AKAP10: variants seen among roughly 807,000 people sequenced by gnomAD.
AKAP10 encodes the protein A-kinase anchor protein 10, mitochondrial.
A neutral mutation model predicts 80.8 loss-of-function variants in AKAP10; 24 were observed. The observed-to-expected ratio is 0.30, with a 90% CI of 0.22 to 0.42. The LOEUF is 0.42. Among genes scored for constraint, AKAP10 ranks in the 10% least tolerant of loss-of-function variants. The pLI, the probability that AKAP10 is intolerant of heterozygous loss-of-function variation, is 1.00. For synonymous variants in AKAP10, 291 were observed against 277.7 expected, an observed-to-expected ratio of 1.05 and a Z score of -0.48; for missense variants, 661 against 794.9, an observed-to-expected ratio of 0.83 and a Z score of 2.03.
In AKAP10 at chr17:19,905,865, T is replaced by A. The variant is rs1030628558; in HGVS notation, c.*362A>T. 12 of 200,068 alleles carry A rather than the reference T, an allele frequency of 6.0e-5. No homozygotes were observed. The highest frequency in any genetic ancestry group is 2.8e-4 in the African/African-American group (12 of 43,532). The allele number at this position is 200,068 out of a possible 1,614,324, so 12.4% of individuals were successfully genotyped here. On this transcript the variant is annotated 3_prime_UTR_variant, in exon 15 of 15. Transcript: ENST00000225737. ...GATGAGTTACCACTACGAGTGTGCA[T>A]CAAGTATCAGTTCTATGCTTATCTG...
chr17:19,914,367 T>C (rs80289275), intron 12 of AKAP10, among the ~76,000 whole-genome samples: 14,431 of 151,930 alleles, frequency 0.095, 784 homozygotes, highest in Non-Finnish European at 0.12. Flanking sequence ...AATAAGAAAA[T>C]AGGCCAGGAG....
At chr17:19,975,779 C>A (rs1216753065) in intron 1 of AKAP10, among the ~76,000 whole-genome samples, 3 of 152,130 alleles carry the variant, frequency 2.0e-5, no homozygotes, top group African/African-American at 7.2e-5. Flanking sequence ...TCTGGACACT[C>A]AAAAGGTATT....
At chr17:19,946,589 T>C (rs938893246) in intron 5 of AKAP10, among the ~76,000 whole-genome samples, 10 of 151,334 alleles carry the variant, frequency 6.6e-5, no homozygotes, top group African/African-American at 2.4e-4. Context: ...TGTGTACTAT[T>C]TATTGATCTT....
chr17:19,963,090 C>A, intron 2 of AKAP10, 68 bp from the exon 3 acceptor site: 1 of 1,320,632 alleles, frequency 7.6e-7, no homozygotes, highest in East Asian at 2.5e-5. Context: ...CATAAAGGGG[C>A]TTTCAGAGAA....
chr17:19,907,839 T>C (rs1002827949), intron 14 of AKAP10, among the ~76,000 whole-genome samples: 3 of 152,158 alleles, frequency 2.0e-5, no homozygotes, highest in African/African-American at 4.8e-5. Flanking sequence ...CATGTCATGC[T>C]TGGTAATTTG....
intron 8 of AKAP10, among the ~76,000 whole-genome samples, chr17:19,938,386 G>A (rs1401348456): frequency 4.0e-5 from 6 of 151,736 alleles, no homozygotes; most frequent in Admixed American, 3.9e-4. Flanking sequence ...ACAGGTGTGT[G>A]CCATCATGCC....
intron 12 of AKAP10, among the ~76,000 whole-genome samples, chr17:19,912,827 A>G (rs1451903705): frequency 6.6e-6 from 1 of 152,176 alleles, no homozygotes; most frequent in Non-Finnish European, 1.5e-5. Flanking sequence ...CTCAATAAGG[A>G]AGGAGAGAAA....
At chr17:19,943,249 G>T (rs1617693) in intron 5 of AKAP10, among the ~76,000 whole-genome samples, 150,331 of 152,254 alleles carry the variant, frequency 0.99, 74,272 homozygotes, top group Middle Eastern at 1. Flanking sequence ...TTCTTTTGAA[G>T]GCTAATGAGA....
In AKAP10 at chr17:19,958,039, T is replaced by C; in HGVS notation, c.852A>G (p.Lys284=). Residue 284 remains lysine, a synonymous_variant, in exon 4 of 15, where the codon AAA becomes AAG. Coordinates refer to ENST00000225737, the MANE Select transcript of AKAP10 (RefSeq NM_007202.4). ...ASRNSPASPL[K]ELSGKLMKSI... is the part of the protein sequence containing the mutation. ...TTTTCATTAGTTTTCCTGACAATTCTTTTAGTGGAGAAGCGGGACTATTTC... is the reference window on the plus strand; with the variant it reads ...TTTTCATTAGTTTTCCTGACAATTCCTTTAGTGGAGAAGCGGGACTATTTC... The C allele has an allele frequency of 6.2e-7, 1 of 1,612,220 alleles. No homozygotes were observed. The highest frequency in any genetic ancestry group is 8.5e-7 in the Non-Finnish European group (1 of 1,179,046).
At chr17:19,963,066 T>C (rs779740448) in intron 2 of AKAP10, 44 bp from the exon 3 acceptor site, 1 of 1,529,556 alleles carries the variant, frequency 6.5e-7, no homozygotes, top group African/African-American at 1.4e-5. Context: ...CACAATTTGA[T>C]AGCCTAAAAC....
chr17:19,955,402 A>G (rs2043264095), intron 4 of AKAP10, among the ~76,000 whole-genome samples: 1 of 152,184 alleles, frequency 6.6e-6, no homozygotes, highest in South Asian at 2.1e-4. Context: ...AACTGATACA[A>G]GTATACATTT....
At chr17:19,971,798 G>A (rs1364077444) in intron 1 of AKAP10, among the ~76,000 whole-genome samples, 1 of 152,190 alleles carries the variant, frequency 6.6e-6, no homozygotes, top group East Asian at 1.9e-4. Context: ...CTCTAGACAT[G>A]GAATTGCTAG....
At chr17:19,916,319 A>G (rs2042741792) in intron 12 of AKAP10, among the ~76,000 whole-genome samples, 1 of 152,212 alleles carries the variant, frequency 6.6e-6, no homozygotes, top group Non-Finnish European at 1.5e-5. Flanking sequence ...ATATAATGTA[A>G]GTTCCATGAA....
At chr17:19,909,368 C>A in intron 13 of AKAP10, 92 bp from the exon 14 acceptor site, 5 of 1,100,446 alleles carry the variant, frequency 4.5e-6, no homozygotes, top group Non-Finnish European at 5.1e-6. Context: ...GGCTTACGCA[C>A]ATAATTTCTA....
At chr17:19,956,660 TG>T (rs2043279133) in intron 4 of AKAP10, among the ~76,000 whole-genome samples, 1 of 152,152 alleles carries the variant, frequency 6.6e-6, no homozygotes, top group South Asian at 2.1e-4. Context: ...CCTGAGTAGC[TG>T]GGAGTACAAG....
intron 10 of AKAP10, among the ~76,000 whole-genome samples, chr17:19,929,999 C>CAAAAAAAAAAAAAAAAAA (rs11365343): frequency 1.2e-5 from 1 of 81,846 alleles, no homozygotes; most frequent in African/African-American, 4.1e-5. Flanking sequence ...CAACAAAAAC[C>CAAAAAAAAAAAAAAAAAA]AAAAAAAAAA....
intron 1 of AKAP10, among the ~76,000 whole-genome samples, chr17:19,973,440 A>G (rs2043524921): frequency 6.6e-6 from 1 of 152,258 alleles, no homozygotes; most frequent in African/African-American, 2.4e-5. Flanking sequence ...TCTGAGATAT[A>G]TGAGAGGAGG....
In AKAP10 at chr17:19,971,677, C is replaced by G. The variant is rs561933118; in HGVS notation, c.89-3216G>C. On this transcript the variant is annotated intron_variant, in intron 1 of 14. Coordinates refer to ENST00000225737, the MANE Select transcript of AKAP10 (RefSeq NM_007202.4). Reference sequence around the variant, plus strand: ...TATAAATATACCTTTACTCATTTTCCTGTTAATGAACATTTACTTTATTTC... The same window carrying G: ...TATAAATATACCTTTACTCATTTTCGTGTTAATGAACATTTACTTTATTTC... Among the ~76,000 whole-genome samples the G allele has an allele frequency of 2.0e-5, 3 of 152,230 alleles. No individual in the cohort carries two copies. The East Asian group carries it at 5.8e-4, about 29-fold the overall frequency.
intron 9 of AKAP10, among the ~76,000 whole-genome samples, chr17:19,932,179 A>G (rs969111889): frequency 6.6e-6 from 1 of 152,094 alleles, no homozygotes; most frequent in Non-Finnish European, 1.5e-5. Context: ...GGCTGGGTGC[A>G]GTGGCTTACA....
Sources: gnomAD v4.1 joint callset for allele counts (sites outside exome capture counted in the v4.1 genomes callset) on GRCh38, gnomAD v4.1.1 for gene constraint, MANE v1.5 for transcripts, NCBI Gene and HGNC (gene_info 2026-07-23, HGNC 2026-07-21) for gene names.